The following GPX3 variants were observed in gnomAD, a reference collection of about 807,000 sequenced individuals.
The protein encoded by GPX3 is GPx-3.
GPX3 carries 22 observed loss-of-function variants against 25.1 expected under a neutral mutation model. The observed-to-expected ratio is 0.88, with a 90% CI of 0.63 to 1.25. The LOEUF (loss-of-function observed/expected upper bound fraction) is 1.25, where lower values mean the gene tolerates loss of function less well. Among genes scored for constraint, GPX3 ranks in the 50% most tolerant of loss-of-function variants. The pLI is 0.00. For synonymous variants in GPX3, 110 were observed against 114.5 expected (o/e 0.96, Z 0.25); for missense variants, 278 against 286.6 (o/e 0.97, Z 0.22).
In GPX3 at chr5:151,027,521, C is replaced by T. The variant is rs909726764; in HGVS notation, c.449C>T (p.Thr150Ile). 1.2e-6 allele frequency: 2 copies of T among 1,608,380 alleles called. No homozygotes were observed. Among genetic ancestry groups the T allele is most frequent in the Non-Finnish European group, 1.7e-6 (2 of 1,174,750 alleles). ...VNGEKEQKFY[T>I]FLKNSCPPTS... ...GGAGAGAAAGAGCAGAAATTCTACA[C>T]TTTCCTAAAGGTAAGTGAGCTGCCA... Residue 150 changes from threonine (T) to isoleucine (I), a missense_variant, in exon 4 of 5, where the codon ACT becomes ATT. Transcript: ENST00000388825.
intron 1 of GPX3, chr5:151,021,917 A>AAGTTAAT (rs1756483138): frequency 6.6e-6 from 1 of 152,230 alleles, no homozygotes; most frequent in Non-Finnish European, 1.5e-5. Flanking sequence ...TTAAGTTCTT[A>AAGTTAAT]TGAGTCTAGG....
In GPX3 at chr5:151,025,425, A is replaced by T; in HGVS notation, c.173A>T (p.Gln58Leu). 3 of 1,613,190 alleles carry T rather than the reference A, an allele frequency of 1.9e-6. 1 individual carries two copies. ...GGGGAGGAGTACATCCCCTTCAAGCAGTATGCTGGCAAATACGTCCTCTTT... is the reference window on the plus strand; with the variant it reads ...GGGGAGGAGTACATCCCCTTCAAGCTGTATGCTGGCAAATACGTCCTCTTT... ...IDGEEYIPFK[Q>L]YAGKYVLFVN... The change falls in exon 2 of 5, where the codon CAG (glutamine) becomes CTG (leucine). Residue 58 changes from glutamine (Q) to leucine (L), a missense_variant. By Grantham distance (113) the Gln-to-Leu change is moderately radical. Coordinates refer to ENST00000388825, the MANE Select transcript of GPX3 (RefSeq NM_002084.5).
chr5:151,027,555 G>A, intron 4 of GPX3, 24 bp downstream of exon 4: 1 of 1,474,604 alleles, frequency 6.8e-7, no homozygotes. Context: ...CACCTGTGCT[G>A]GCTGGGGCTG....
chr5:151,021,941 A>C (rs1756483792), intron 1 of GPX3: 1 of 152,200 alleles, frequency 6.6e-6, no homozygotes, highest in Non-Finnish European at 1.5e-5. Context: ...CCGTTTCCAA[A>C]ATTCTGTCCA....
At chr5:151,025,597 G>C in intron 2 of GPX3, 104 bp downstream of exon 2, 1 of 1,004,586 alleles carries the variant, frequency 1.0e-6, no homozygotes, top group Non-Finnish European at 1.4e-6. Context: ...GCAATCACGA[G>C]AGTCCAAGCC....
At chr5:151,020,786 C>T in intron 1 of GPX3, 45 bp downstream of exon 1, 3 of 1,543,628 alleles carry the variant, frequency 1.9e-6, no homozygotes, top group South Asian at 1.1e-5. Flanking sequence ...AAACCTAGCC[C>T]CTCGGTGTCC....
intron 1 of GPX3, among the ~76,000 whole-genome samples, chr5:151,024,730 C>A (rs1756522476): frequency 6.6e-6 from 1 of 152,220 alleles, no homozygotes; most frequent in Admixed American, 6.5e-5. Context: ...TTCCCCCATG[C>A]CTGGCTCTCA....
At chr5:151,022,279 G>A (rs1357711765) in intron 1 of GPX3, among the ~76,000 whole-genome samples, 2 of 152,182 alleles carry the variant, frequency 1.3e-5, no homozygotes, top group Admixed American at 6.5e-5. Flanking sequence ...GAAGGCTAGT[G>A]GGGAGAACGT....
At chr5:151,021,185 G>T in intron 1 of GPX3, 1 of 237,954 alleles carries the variant, frequency 4.2e-6, no homozygotes, top group Non-Finnish European at 8.4e-6. Flanking sequence ...AGAAAGGAGA[G>T]AGGCAGCTGG....
At chr5:151,026,839 G>A in intron 2 of GPX3, 61 bp from the exon 3 acceptor site, 6 of 1,224,470 alleles carry the variant, frequency 4.9e-6, no homozygotes, top group Non-Finnish European at 7.1e-6. Context: ...GGGGAGTGGT[G>A]TGGATGAGAC....
chr5:151,024,147 ATTTG>A (rs1388972518), intron 1 of GPX3, among the ~76,000 whole-genome samples: 2 of 152,106 alleles, frequency 1.3e-5, no homozygotes, highest in Admixed American at 1.3e-4. Flanking sequence ...TTTGCATTCC[ATTTG>A]TTTATTGTCT....
At chr5:151,025,870 T>C (rs1756539922) in intron 2 of GPX3, among the ~76,000 whole-genome samples, 1 of 152,200 alleles carries the variant, frequency 6.6e-6, no homozygotes, top group South Asian at 2.1e-4. Context: ...GGTGCTTCTC[T>C]TGGCAGCTCT....
rs1756557694 is a variant in GPX3 at position 151,026,921 on chromosome 5, A to G, written c.263A>G (p.Glu88Gly). The G allele has an allele frequency of 6.2e-7, 1 of 1,613,916 alleles. No homozygotes were observed. Among genetic ancestry groups the G allele is most frequent in the Admixed American group, 1.7e-5 (1 of 59,996 alleles). ...QYIELNALQE[E>G]LAPFGLVILG... is the part of the protein sequence containing the mutation. ...CCAGAACTGAATGCACTACAGGAAG[A>G]GCTTGCACCATTCGGTCTGGTCATT... Residue 88 changes from glutamate (E) to glycine (G), a missense_variant, in exon 3 of 5, where the codon GAG becomes GGG. Glu to Gly is a moderately conservative substitution (Grantham distance 98). Transcript: ENST00000388825.
At chr5:151,021,529 A>T (rs1756476622) in intron 1 of GPX3, 1 of 152,348 alleles carries the variant, frequency 6.6e-6, no homozygotes, top group African/African-American at 2.4e-5. Flanking sequence ...ACTACCCAGG[A>T]CCCACTGTCC....
At chr5:151,020,793 G>T (rs2113140611) in intron 1 of GPX3, 52 bp downstream of exon 1, 1 of 1,519,346 alleles carries the variant, frequency 6.6e-7, no homozygotes, top group Non-Finnish European at 9.1e-7. Flanking sequence ...GCCCCTCGGT[G>T]TCCAGCGCTC....
chr5:151,027,717 G>A, intron 4 of GPX3, 186 bp downstream of exon 4: 1 of 673,792 alleles, frequency 1.5e-6, no homozygotes, highest in Non-Finnish European at 2.6e-6. Flanking sequence ...TTTACAGAAA[G>A]GCCCAGAAGG....
intron 2 of GPX3, 82 bp downstream of exon 2, chr5:151,025,575 G>A: frequency 7.9e-7 from 1 of 1,262,838 alleles, no homozygotes; most frequent in South Asian, 1.5e-5. Flanking sequence ...GTGCATGGGG[G>A]AAAGGGTGAT....
rs890034936 is a variant in GPX3, at chr5:151,025,341, T to C, written c.89T>C (p.Met30Thr). The C allele has an allele frequency of 1.3e-6, 2 of 1,579,758 alleles. No individual in the cohort carries two copies. The highest frequency in any genetic ancestry group is 1.7e-6 in the Non-Finnish European group (2 of 1,160,880). The change falls in exon 2 of 5, where the codon ATG becomes ACG. Residue 30 changes from methionine (M) to threonine (T), a missense_variant and splice_region_variant. Coordinates refer to ENST00000388825, the MANE Select transcript of GPX3 (RefSeq NM_002084.5). ...CTCCTTTTATGGCCTGTGTTCCAGA[T>C]GGACTGCCATGGTGGCATAAGTGGC... ...SQSRGQEKSK[M>T]DCHGGISGTI...
chr5:151,026,743 G>T, intron 2 of GPX3, 157 bp from the exon 3 acceptor site: 3 of 624,252 alleles, frequency 4.8e-6, no homozygotes, highest in Non-Finnish European at 8.6e-6. Flanking sequence ...CTGAGTCCCA[G>T]CATTGCTGTG....
Sources: allele counts gnomAD v4.1 joint callset (sites outside exome capture counted in the v4.1 genomes callset), GRCh38; gene constraint gnomAD v4.1.1; transcripts MANE v1.5; gene names NCBI Gene and HGNC (gene_info 2026-07-23, HGNC 2026-07-21).